The following ADAMTS6 variants were observed in gnomAD, a reference collection of about 807,000 sequenced individuals.
ADAMTS6 encodes the protein ADAM metallopeptidase with thrombospondin type 1 motif 6.
In ADAMTS6, 23 loss-of-function variants were observed where a neutral mutation model predicts 144.3. The observed-to-expected ratio is 0.16, with a 90% CI of 0.11 to 0.23. The LOEUF (loss-of-function observed/expected upper bound fraction) is 0.23. ADAMTS6 is among the 10% of genes least tolerant of loss of function. The pLI is 1.00. For synonymous variants in ADAMTS6, 444 were observed against 457.5 expected (o/e 0.97, Z 0.38); for missense variants, 999 against 1,379.6 (o/e 0.72, Z 4.37).
At chr5:65,392,102 T>C (rs1452731737) in intron 7 of ADAMTS6, among the ~76,000 whole-genome samples, 1 of 152,214 alleles carries the variant, frequency 6.6e-6, no homozygotes, top group East Asian at 1.9e-4. Flanking sequence ...TCATTTTGCA[T>C]TTGTCTGATG....
chr5:65,333,480 T>G (rs188693615), intron 8 of ADAMTS6, among the ~76,000 whole-genome samples: 118 of 152,162 alleles, frequency 7.8e-4, no homozygotes, highest in African/African-American at 2.8e-3. Flanking sequence ...AAGATTATTT[T>G]TTGTTGTTGT....
intron 15 of ADAMTS6, among the ~76,000 whole-genome samples, chr5:65,237,687 T>G (rs1177165703): frequency 6.6e-6 from 1 of 152,178 alleles, no homozygotes; most frequent in African/African-American, 2.4e-5. Flanking sequence ...TTTACAAATT[T>G]AAACACAGAT....
rs751159547 is a variant in ADAMTS6, at chr5:65,226,214, C to T, written c.1939G>A (p.Val647Ile). The part of the protein sequence containing the change: ...YNWKPYTGGG[V>I]KPCALNCLAE... The stretch of plus-strand genomic sequence containing the variant: ...AAGCAGTTTAATGCACAAGGTTTTA[C>T]CCCACCTGGACAAATACAGTAGAAG... Residue 647 changes from valine to isoleucine, a missense_variant, in exon 16 of 25, where the codon GTA becomes ATA. Val to Ile is a conservative substitution (Grantham distance 29). Around this residue, in one of 3 missense-constraint regions of ADAMTS6, gnomAD observed 619 missense variants for 837.0 expected, o/e 0.74. Transcript: ENST00000381055. 6.2e-7 allele frequency: 1 copy of T among 1,613,346 alleles called. No homozygotes were observed. Among genetic ancestry groups the T allele is most frequent in the Non-Finnish European group, 8.5e-7 (1 of 1,179,564 alleles).
intron 7 of ADAMTS6, among the ~76,000 whole-genome samples, chr5:65,365,764 G>C (rs965001911): frequency 3.3e-5 from 5 of 151,974 alleles, no homozygotes; most frequent in South Asian, 2.1e-4. Context: ...ATCTTTTATA[G>C]ATGGTCACAT....
chr5:65,276,263 G>A (rs1012876901), intron 11 of ADAMTS6, among the ~76,000 whole-genome samples: 2 of 152,048 alleles, frequency 1.3e-5, no homozygotes, highest in Non-Finnish European at 2.9e-5. Context: ...TTACCTTGGT[G>A]GGCTCCTGGG....
chr5:65,188,272 G>A, intron 21 of ADAMTS6, 52 bp from the exon 22 acceptor site: 1 of 1,585,196 alleles, frequency 6.3e-7, no homozygotes, highest in South Asian at 1.1e-5. Context: ...AGTGCATCCA[G>A]AGATTTTTAG....
At chr5:65,365,950 CA>C (rs1286538492) in intron 7 of ADAMTS6, among the ~76,000 whole-genome samples, 2 of 151,600 alleles carry the variant, frequency 1.3e-5, no homozygotes, top group Non-Finnish European at 2.9e-5. Flanking sequence ...TCTATATAAT[CA>C]AATGCTAAGA....
intron 15 of ADAMTS6, among the ~76,000 whole-genome samples, chr5:65,232,991 T>A (rs2112448272): frequency 6.6e-6 from 1 of 152,196 alleles, no homozygotes; most frequent in Admixed American, 6.5e-5. Flanking sequence ...ATTAAAAGGA[T>A]CATTCATCAT....
intron 24 of ADAMTS6, among the ~76,000 whole-genome samples, chr5:65,162,555 T>C (rs1017775857): frequency 6.6e-6 from 1 of 151,984 alleles, no homozygotes; most frequent in Non-Finnish European, 1.5e-5. Context: ...TCTTCCCCTG[T>C]GCCTCACTTT....
chr5:65,318,930 C>A (rs1262233308), intron 9 of ADAMTS6, among the ~76,000 whole-genome samples: 2 of 151,960 alleles, frequency 1.3e-5, no homozygotes, highest in Non-Finnish European at 2.9e-5. Flanking sequence ...GGGTTGGATA[C>A]CAAAATTCTC....
intron 9 of ADAMTS6, among the ~76,000 whole-genome samples, chr5:65,322,857 C>T (rs1025575326): frequency 2.6e-5 from 4 of 152,022 alleles, no homozygotes; most frequent in Non-Finnish European, 4.4e-5. Flanking sequence ...TCTTCCTATT[C>T]GAATGCCGTT....
At chr5:65,287,195 G>C (rs1212364078) in intron 11 of ADAMTS6, among the ~76,000 whole-genome samples, 1 of 152,028 alleles carries the variant, frequency 6.6e-6, no homozygotes, top group East Asian at 1.9e-4. Flanking sequence ...CTTAAATCCA[G>C]GACTCAAGAG....
At chr5:65,378,532 A>C (rs1397040178) in intron 7 of ADAMTS6, among the ~76,000 whole-genome samples, 1 of 152,164 alleles carries the variant, frequency 6.6e-6, no homozygotes, top group Non-Finnish European at 1.5e-5. Flanking sequence ...GTGAAATTAC[A>C]TAATTCTCTT....
rs1004018244 is a variant in ADAMTS6, at chr5:65,425,975, T to C, written c.1073+25500A>G. The stretch of plus-strand genomic sequence containing the variant: ...AGACGGGATTTCACCATGGTCTCGA[T>C]CTCCTGACCTCGTGATCCGCCCGCC... On this transcript the variant is annotated intron_variant, in intron 7 of 24. Coordinates refer to ENST00000381055, the MANE Select transcript of ADAMTS6 (RefSeq NM_197941.4). 8.7e-4 allele frequency among the ~76,000 whole-genome samples: 132 copies of C among 151,716 alleles called. 1 individual carries two copies. The highest frequency in any genetic ancestry group is 3.4e-3 in the Admixed American group (52 of 15,254).
chr5:65,282,802 C>T (rs1763086340), intron 11 of ADAMTS6, among the ~76,000 whole-genome samples: 1 of 151,988 alleles, frequency 6.6e-6, no homozygotes, highest in South Asian at 2.1e-4. Context: ...TCTGACCCCA[C>T]CTTCCCATCG....
intron 9 of ADAMTS6, among the ~76,000 whole-genome samples, chr5:65,304,838 CA>C: frequency 6.6e-6 from 1 of 151,484 alleles, no homozygotes; most frequent in Admixed American, 6.6e-5. Context: ...TCTTGAATAA[CA>C]AAAAAGTCTG....
intron 11 of ADAMTS6, among the ~76,000 whole-genome samples, chr5:65,279,395 C>A (rs1438005094): frequency 6.6e-6 from 1 of 152,168 alleles, no homozygotes; most frequent in African/African-American, 2.4e-5. Context: ...AGGCTCACTG[C>A]AACCTCCGCC....
At chr5:65,225,282 C>T (rs925405681) in intron 16 of ADAMTS6, among the ~76,000 whole-genome samples, 1 of 152,142 alleles carries the variant, frequency 6.6e-6, no homozygotes, top group South Asian at 2.1e-4. Context: ...GATACATAAA[C>T]ACACACAAAT....
intron 7 of ADAMTS6, among the ~76,000 whole-genome samples, chr5:65,353,408 AAC>A (rs1166391421): frequency 6.6e-6 from 1 of 152,046 alleles, no homozygotes; most frequent in Non-Finnish European, 1.5e-5. Context: ...TAATTTTGAA[AAC>A]AGTCTAGTGT....
Sources: allele counts gnomAD v4.1 joint callset (sites outside exome capture counted in the v4.1 genomes callset), GRCh38; gene constraint gnomAD v4.1.1; regional missense constraint gnomAD v4.1.1; transcripts MANE v1.5; gene names NCBI Gene and HGNC (gene_info 2026-07-23, HGNC 2026-07-21).